AP4E1: variants seen among roughly 807,000 people sequenced by gnomAD.
The protein encoded by AP4E1 is adaptor related protein complex 4 subunit epsilon 1.
Under a neutral mutation model 128.2 loss-of-function variants are expected in AP4E1, and 56 were observed. That is an observed-to-expected ratio of 0.44 (90% CI 0.35 to 0.55). The LOEUF is 0.55. Ranked by LOEUF, AP4E1 falls within the 20% of genes least tolerant of loss-of-function variation. The probability of loss-of-function intolerance (pLI) is 0.00; values close to 1 mark genes in which losing one functional copy is unlikely to be tolerated. For missense variants in AP4E1, 1,324 were observed against 1,307.7 expected (o/e 1.01, Z -0.19); for synonymous variants, 484 against 473.1 (o/e 1.02, Z -0.30).
At chr15:50,965,611 T>G (rs749236006) in intron 14 of AP4E1, among the ~76,000 whole-genome samples, 1 of 152,310 alleles carries the variant, frequency 6.6e-6, no homozygotes, top group South Asian at 2.1e-4. Flanking sequence ...TGGAGGAAGG[T>G]TTTCGGAGCT....
At chr15:50,907,646 G>C (rs532590658), upstream of AP4E1, among the ~76,000 whole-genome samples, 31 of 152,006 alleles carry the variant, frequency 2.0e-4, no homozygotes, top group Middle Eastern at 3.2e-3. Context: ...AAAACACAAG[G>C]ATACTCCAGG....
At position 50,963,289 on chromosome 15, in the gene AP4E1, G is replaced by T. The variant is rs143266914; in HGVS notation, c.1851+4495G>T. On this transcript the variant is annotated intron_variant, in intron 14 of 20. Coordinates refer to ENST00000261842, the MANE Select transcript of AP4E1 (RefSeq NM_007347.5). ...AAATCATTATTTCAAAGGTATACCT[G>T]CACCCCCATGTTCACTGCAGTACTA... Among the ~76,000 whole-genome samples, 940 of 152,248 alleles carry T rather than the reference G, an allele frequency of 6.2e-3. 8 individuals carry two copies. Among genetic ancestry groups the T allele is most frequent in the African/African-American group, 0.022 (897 of 41,542 alleles).
chr15:50,973,421 T>G (rs952908967), intron 15 of AP4E1, among the ~76,000 whole-genome samples: 1 of 152,212 alleles, frequency 6.6e-6, no homozygotes, highest in African/African-American at 2.4e-5. Flanking sequence ...TTATTGTGGT[T>G]AAGAACCTTA....
intron 3 of AP4E1, among the ~76,000 whole-genome samples, chr15:50,923,194 TATTATC>T (rs2063727469): frequency 6.6e-6 from 1 of 152,232 alleles, no homozygotes; most frequent in African/African-American, 2.4e-5. Flanking sequence ...AAGTGTTAGT[TATTATC>T]AATGTGAAGC....
At chr15:50,935,116 C>T (rs1200431268) in intron 8 of AP4E1, among the ~76,000 whole-genome samples, 1 of 151,950 alleles carries the variant, frequency 6.6e-6, no homozygotes, top group East Asian at 1.9e-4. Flanking sequence ...ATGCAAGGTA[C>T]TTAGAATACA....
rs866090103 is a variant in AP4E1 at position 51,002,949 on chromosome 15, A to G, written c.*287A>G. 3.1e-5 allele frequency: 9 copies of G among 285,714 alleles called. 1 individual carries two copies. Among genetic ancestry groups the G allele is most frequent in the Middle Eastern group, 1.1e-3 (1 of 874 alleles). The allele number at this position is 285,714 out of a possible 1,614,324, so 17.7% of individuals were successfully genotyped here. On this transcript the variant is annotated 3_prime_UTR_variant, in exon 21 of 21. Transcript: ENST00000261842. ...TCACTTAGTGTGTAGAGGGACTGAA[A>G]ATATTTATTTTGTTATAAATAATTT...
intron 10 of AP4E1, chr15:50,946,138 A>G (rs2064059008): frequency 5.7e-6 from 3 of 525,930 alleles, no homozygotes; most frequent in Non-Finnish European, 1.0e-5. Context: ...CCTTTTAGCT[A>G]CCCTGAAAAA....
At chr15:50,909,428 C>T (rs1475394051) in intron 1 of AP4E1, among the ~76,000 whole-genome samples, 1 of 152,158 alleles carries the variant, frequency 6.6e-6, no homozygotes, top group African/African-American at 2.4e-5. Flanking sequence ...CTGTGAGCCT[C>T]TTGTTGAATA....
chr15:50,932,773 C>CT (rs1432919919), intron 7 of AP4E1, among the ~76,000 whole-genome samples: 2 of 152,128 alleles, frequency 1.3e-5, no homozygotes, highest in Non-Finnish European at 2.9e-5. Flanking sequence ...TATAGTGTTA[C>CT]TTTTTTCTGT....
intron 10 of AP4E1, 25 bp downstream of exon 10, chr15:50,941,800 A>G: frequency 1.9e-6 from 3 of 1,568,494 alleles, no homozygotes; most frequent in Non-Finnish European, 2.6e-6. Flanking sequence ...TGAATAGTAT[A>G]TGTGAAGTGT....
intron 14 of AP4E1, among the ~76,000 whole-genome samples, chr15:50,959,211 CAA>C (rs139389680): frequency 1.2e-4 from 14 of 112,482 alleles, no homozygotes; most frequent in African/African-American, 1.0e-4. Context: ...AACTCTGTCT[CAA>C]AAAAAAAAAA....
At chr15:50,928,967 G>C (rs1287191145) in intron 5 of AP4E1, 42 bp from the exon 6 acceptor site, 1 of 1,599,582 alleles carries the variant, frequency 6.3e-7, no homozygotes, top group African/African-American at 1.3e-5. Flanking sequence ...AAATACTTGA[G>C]AATTCAGATT....
rs539784751 is a variant in AP4E1 at position 50,908,736 on chromosome 15, T to G, written c.-43T>G. 1.4e-6 allele frequency: 2 copies of G among 1,480,478 alleles called. No individual in the cohort carries two copies. The highest frequency in any genetic ancestry group is 1.8e-6 in the Non-Finnish European group (2 of 1,111,894). The allele number at this position is 1,480,478 out of a possible 1,614,324, so 91.7% of individuals were successfully genotyped here. On this transcript the variant is annotated 5_prime_UTR_variant, in exon 1 of 21. Transcript: ENST00000261842. ...GCGGCCGGGCATGAAGCCGGGCGGC[T>G]ACGGGATCGCGGGCGGCGGCGGCAT...
At chr15:50,945,337 A>T in intron 10 of AP4E1, 1 of 780,428 alleles carries the variant, frequency 1.3e-6, no homozygotes. Flanking sequence ...ACTGTACAAC[A>T]TGAGGCAAGC....
At chr15:50,969,876 G>C (rs1284193242) in intron 15 of AP4E1, among the ~76,000 whole-genome samples, 1 of 151,998 alleles carries the variant, frequency 6.6e-6, no homozygotes, top group Non-Finnish European at 1.5e-5. Context: ...AGCCAGGATG[G>C]TCTCGATCTC....
At chr15:50,931,496 G>A (rs750699669) in intron 7 of AP4E1, among the ~76,000 whole-genome samples, 2 of 152,080 alleles carry the variant, frequency 1.3e-5, no homozygotes, top group African/African-American at 4.8e-5. Context: ...AACCCAGGAG[G>A]TGTAGGTTGC....
chr15:50,997,800 T>C lies in AP4E1; in HGVS notation c.2821T>C (p.Leu941=). 1 of 1,609,318 alleles carries C rather than the reference T, an allele frequency of 6.2e-7. No homozygotes were observed. The highest frequency in any genetic ancestry group is 8.5e-7 in the Non-Finnish European group (1 of 1,177,144). ...SYKIWKDDCL[L]MVWSVTNKSG... Reference sequence around the variant, plus strand: ...TAAAATTTGGAAAGATGATTGTTTATTGATGGTCTGGTCAGTCACTAATAA... The same window carrying C: ...TAAAATTTGGAAAGATGATTGTTTACTGATGGTCTGGTCAGTCACTAATAA... Residue 941 remains leucine, a synonymous_variant, in exon 18 of 21, where the codon TTG becomes CTG. Transcript: ENST00000261842.
chr15:50,930,972 G>A lies in AP4E1; in HGVS notation c.869+1G>A, dbSNP rs868844377. ...GACTTCTAGGAAAAGATGATCAAAG[G>A]TAAACTATTTTCAGTAAGTTTGCTT... On this transcript the variant is annotated splice_donor_variant, in intron 7 of 20. Coordinates refer to ENST00000261842, the MANE Select transcript of AP4E1 (RefSeq NM_007347.5). LOFTEE classifies it high-confidence loss of function. The A allele has an allele frequency of 2.5e-6, 4 of 1,613,920 alleles. No individual in the cohort carries two copies. In the African/African-American group the frequency reaches 5.3e-5, roughly 22 times the overall value.
chr15:50,924,255 AAC>A (rs1338123979), intron 4 of AP4E1, among the ~76,000 whole-genome samples: 4 of 152,326 alleles, frequency 2.6e-5, no homozygotes, highest in Admixed American at 1.3e-4. Flanking sequence ...TTCATTTTAA[AAC>A]ACAGAGTTAG....
Sources: gnomAD v4.1 joint callset for allele counts (sites outside exome capture counted in the v4.1 genomes callset) on GRCh38, gnomAD v4.1.1 for gene constraint, MANE v1.5 for transcripts, NCBI Gene and HGNC (gene_info 2026-07-23, HGNC 2026-07-21) for gene names.